Variants in CACNA2D1 observed in about 807,000 individuals in gnomAD.
The protein encoded by CACNA2D1 is voltage-dependent calcium channel subunit alpha-2/delta-1.
A neutral mutation model predicts 171.5 loss-of-function variants in CACNA2D1; 53 were observed. The ratio of observed to expected loss-of-function variants is 0.31; its 90% CI spans 0.25 to 0.39. The LOEUF is 0.39. Ranked by LOEUF, CACNA2D1 falls within the 10% of genes least tolerant of loss-of-function variation. CACNA2D1 has a pLI of 1.00. For synonymous variants in CACNA2D1, 442 were observed against 443.1 expected (o/e 1.00, Z 0.03); for missense variants, 903 against 1,299.8 (o/e 0.69, Z 4.69).
intron 2 of CACNA2D1, among the ~76,000 whole-genome samples, chr7:82,344,004 A>T (rs1387130468): frequency 6.6e-6 from 1 of 152,214 alleles, no homozygotes; most frequent in Admixed American, 6.5e-5. Context: ...AATTTTACAA[A>T]TTTATATTCA....
At chr7:82,215,328 C>T (rs1800986877) in intron 3 of CACNA2D1, among the ~76,000 whole-genome samples, 1 of 152,140 alleles carries the variant, frequency 6.6e-6, no homozygotes, top group Admixed American at 6.6e-5. Flanking sequence ...CCCTTGGCTG[C>T]AGCATCAGAT....
intron 3 of CACNA2D1, among the ~76,000 whole-genome samples, chr7:82,333,788 A>T (rs928428652): frequency 6.6e-6 from 1 of 152,024 alleles, no homozygotes; most frequent in Non-Finnish European, 1.5e-5. Context: ...AATAATTTGA[A>T]ATGCAGACTA....
At chr7:82,298,899 C>T (rs1812627667) in intron 3 of CACNA2D1, among the ~76,000 whole-genome samples, 1 of 151,856 alleles carries the variant, frequency 6.6e-6, no homozygotes, top group African/African-American at 2.4e-5. Context: ...CCCGTCTCTA[C>T]TAAAAGTACA....
chr7:82,336,605 GGAT>G (rs1818030007), intron 2 of CACNA2D1, among the ~76,000 whole-genome samples: 1 of 152,054 alleles, frequency 6.6e-6, no homozygotes, highest in South Asian at 2.1e-4. Flanking sequence ...GCATTTTACT[GGAT>G]TGCTTATGCT....
At chr7:82,168,557 T>C (rs758371456) in intron 4 of CACNA2D1, among the ~76,000 whole-genome samples, 1 of 152,154 alleles carries the variant, frequency 6.6e-6, no homozygotes, top group South Asian at 2.1e-4. Flanking sequence ...AGAGTTTTTG[T>C]ATTGTGTTTG....
intron 1 of CACNA2D1, among the ~76,000 whole-genome samples, chr7:82,358,190 C>T (rs1820676605): frequency 1.3e-5 from 2 of 152,108 alleles, no homozygotes; most frequent in African/African-American, 2.4e-5. Context: ...CCTACCAATG[C>T]CAAACTGTTC....
At chr7:82,124,016 C>T (rs1265456958) in intron 5 of CACNA2D1, among the ~76,000 whole-genome samples, 2 of 151,856 alleles carry the variant, frequency 1.3e-5, no homozygotes, top group Non-Finnish European at 2.9e-5. Context: ...ATATTTAAAC[C>T]ATTTATTTTA....
chr7:82,074,517 T>A lies in CACNA2D1; in HGVS notation c.659-7993A>T, dbSNP rs575461646. 3.3e-5 allele frequency among the ~76,000 whole-genome samples: 5 copies of A among 152,288 alleles called. No homozygotes were observed. In the East Asian group the frequency reaches 9.6e-4, roughly 29 times the overall value. The stretch of plus-strand genomic sequence containing the variant: ...TGCTGGGATTACAGGCATGAGCCAC[T>A]GTGCCTGGCCCTCCACATCATTTTG... On this transcript the variant is annotated intron_variant, in intron 7 of 38. Transcript: ENST00000356860.
At chr7:82,292,701 A>C (rs543032443) in intron 3 of CACNA2D1, among the ~76,000 whole-genome samples, 5 of 152,158 alleles carry the variant, frequency 3.3e-5, no homozygotes, top group Non-Finnish European at 5.9e-5. Flanking sequence ...TAATTTCTTC[A>C]GTGTTCCCAA....
At chr7:82,393,127 GAGGCAGGCAGGA>G (rs1825375460) in intron 1 of CACNA2D1, among the ~76,000 whole-genome samples, 3 of 131,186 alleles carry the variant, frequency 2.3e-5, no homozygotes, top group Admixed American at 7.8e-5. Flanking sequence ...GGGAGGGAGG[GAGGCAGGCAGGA>G]AGGGAGGGAG....
intron 3 of CACNA2D1, among the ~76,000 whole-genome samples, chr7:82,280,041 C>T (rs1030161877): frequency 7.9e-5 from 12 of 152,072 alleles, no homozygotes; most frequent in East Asian, 3.8e-4. Flanking sequence ...ACAGTGATTA[C>T]ACAAACAAAA....
intron 3 of CACNA2D1, among the ~76,000 whole-genome samples, chr7:82,283,474 T>TA (rs1810372485): frequency 6.6e-6 from 1 of 152,166 alleles, no homozygotes; most frequent in African/African-American, 2.4e-5. Flanking sequence ...TATAATCAAA[T>TA]AGCATAAATG....
At chr7:82,427,434 G>T (rs1048831780) in intron 1 of CACNA2D1, among the ~76,000 whole-genome samples, 2 of 152,182 alleles carry the variant, frequency 1.3e-5, no homozygotes, top group African/African-American at 4.8e-5. Context: ...TTATGTGTTG[G>T]ATAGTGCTAA....
At chr7:82,143,296 CAAT>C (rs771308697) in intron 4 of CACNA2D1, among the ~76,000 whole-genome samples, 7 of 151,968 alleles carry the variant, frequency 4.6e-5, no homozygotes, top group Admixed American at 1.3e-4. Context: ...TGACAAGAGA[CAAT>C]AAGATAATTG....
chr7:82,325,084 C>G (rs760592965), intron 3 of CACNA2D1, among the ~76,000 whole-genome samples: 3 of 152,168 alleles, frequency 2.0e-5, no homozygotes, highest in Non-Finnish European at 2.9e-5. Context: ...CAAGGCATCT[C>G]CACATGATTC....
At chr7:82,171,838 A>T (rs550400100) in intron 3 of CACNA2D1, among the ~76,000 whole-genome samples, 2 of 152,108 alleles carry the variant, frequency 1.3e-5, no homozygotes, top group African/African-American at 2.4e-5. Flanking sequence ...AAAAAATTAC[A>T]AATCTCAGAG....
chr7:82,096,841 A>T (rs7795925), intron 6 of CACNA2D1, among the ~76,000 whole-genome samples: 41,756 of 151,768 alleles, frequency 0.28, 5,976 homozygotes, highest in Middle Eastern at 0.46. Context: ...CTATTTAATA[A>T]TTCTTCATAA....
intron 38 of CACNA2D1, among the ~76,000 whole-genome samples, chr7:81,955,765 T>C (rs1244685286): frequency 2.6e-5 from 4 of 151,666 alleles, no homozygotes; most frequent in Non-Finnish European, 5.9e-5. Flanking sequence ...ATTTATTATT[T>C]TATGCAAACA....
In CACNA2D1 at chr7:82,164,919, C is replaced by T. The variant is rs114029105; in HGVS notation, c.354+5631G>A. ...TTTTAATAAAATGTAGCTCAAGTTA[C>T]GGAGAGGCTAATGAAATTGGAGTTC... On this transcript the variant is annotated intron_variant, in intron 4 of 38. Coordinates refer to ENST00000356860, the MANE Select transcript of CACNA2D1 (RefSeq NM_000722.4). Among the ~76,000 whole-genome samples, 703 of 151,966 alleles carry T rather than the reference C, an allele frequency of 4.6e-3. 8 individuals carry two copies. Among genetic ancestry groups the T allele is most frequent in the African/African-American group, 0.016 (675 of 41,508 alleles).
Sources: allele counts gnomAD v4.1 joint callset (sites outside exome capture counted in the v4.1 genomes callset), GRCh38; gene constraint gnomAD v4.1.1; transcripts MANE v1.5; gene names NCBI Gene and HGNC (gene_info 2026-07-23, HGNC 2026-07-21).